Variants in ZFP28 observed in about 807,000 individuals in gnomAD.
ZFP28 encodes the protein zinc finger protein 28 homolog.
In ZFP28, 31 loss-of-function variants were observed where a neutral mutation model predicts 39.5. The observed-to-expected ratio is 0.79, with a 90% confidence interval of 0.59 to 1.06. The LOEUF (loss-of-function observed/expected upper bound fraction) is 1.06, where lower values mean the gene tolerates loss of function less well. Ranked by LOEUF, ZFP28 falls within the 50% of genes least tolerant of loss-of-function variation. The pLI is 0.00. For synonymous variants in ZFP28, 400 were observed against 378.6 expected (o/e 1.06, Z -0.66); for missense variants, 925 against 1,048.4 (o/e 0.88, Z 1.63).
chr19:56,545,368 C>T (rs562653410), intron 2 of ZFP28, among the ~76,000 whole-genome samples: 3 of 152,274 alleles, frequency 2.0e-5, no homozygotes, highest in African/African-American at 7.2e-5. Flanking sequence ...TTACAAATGT[C>T]CTTAAAGTTT....
chr19:56,550,369 ATCT>A (rs2044287746), intron 6 of ZFP28, 138 bp from the exon 7 acceptor site: 5 of 884,822 alleles, frequency 5.7e-6, no homozygotes, highest in Non-Finnish European at 8.6e-6. Flanking sequence ...TTGAAGCGTT[ATCT>A]TCTTGTGTCT....
chr19:56,549,221 T>A, intron 5 of ZFP28, 100 bp downstream of exon 5: 1 of 1,354,362 alleles, frequency 7.4e-7, no homozygotes, highest in Non-Finnish European at 1.0e-6. Flanking sequence ...AAGAGAAGTT[T>A]TCATTTGAAT....
At position 56,555,945 on chromosome 19, in the gene ZFP28, A is replaced by G. The variant is rs1457950860; in HGVS notation, c.*553A>G. Reference sequence around the variant, plus strand: ...GGGACAAATGAATTTAAAAAATCAGAAAAATGCAAGATTTATATGCATGAA... The same window carrying G: ...GGGACAAATGAATTTAAAAAATCAGGAAAATGCAAGATTTATATGCATGAA... On this transcript the variant is annotated 3_prime_UTR_variant, in exon 8 of 8. Transcript: ENST00000301318. The G allele has an allele frequency of 6.6e-6, 1 of 152,314 alleles. No homozygotes were observed. Among genetic ancestry groups the G allele is most frequent in the Non-Finnish European group, 1.5e-5 (1 of 68,088 alleles). The allele number at this position is 152,314 out of a possible 1,614,324, so 9.4% of individuals were successfully genotyped here.
intron 2 of ZFP28, chr19:56,544,845 G>C (rs2044226010): frequency 6.6e-6 from 1 of 152,192 alleles, no homozygotes; most frequent in Non-Finnish European, 1.5e-5. Flanking sequence ...TATACATAAA[G>C]AGCTGTCCGA....
At position 56,554,556 on chromosome 19, in the gene ZFP28, T is replaced by C; in HGVS notation, c.1771T>C (p.Cys591Arg). Residue 591 changes from cysteine (C) to arginine (R), a missense_variant, in exon 8 of 8, where the codon TGT becomes CGT. Physicochemically the swap from Cys to Arg is radical, Grantham distance 180. Around this residue, in one of 2 missense-constraint regions of ZFP28, gnomAD observed 369 missense variants for 505.5 expected, o/e 0.73. Coordinates refer to ENST00000301318, the MANE Select transcript of ZFP28 (RefSeq NM_020828.2). This position sits in a 1 kb window ranked among gnomAD's most constrained non-coding sequence, Gnocchi z 6.7. ...ACATTCTGGAGAAAAGCCTTTTAAGTGTAAAGAGTGCGGAAAAGCTTTTAG... is the reference window on the plus strand; with the variant it reads ...ACATTCTGGAGAAAAGCCTTTTAAGCGTAAAGAGTGCGGAAAAGCTTTTAG... ...RVHSGEKPFKCKECGKAFRQN... is the reference protein window; with the variant it reads ...RVHSGEKPFKRKECGKAFRQN... The C allele has an allele frequency of 6.2e-7, 1 of 1,614,076 alleles. No homozygotes were observed. Among genetic ancestry groups the C allele is most frequent in the South Asian group, 1.1e-5 (1 of 91,080 alleles).
intron 2 of ZFP28, chr19:56,545,955 G>A (rs796891420): frequency 6.6e-6 from 1 of 152,288 alleles, no homozygotes; most frequent in African/African-American, 2.4e-5. Flanking sequence ...TAGGTCAAGG[G>A]TGACAAGCAG....
rs149325607 is a variant in ZFP28, at chr19:56,553,955, G to C, written c.1170G>C (p.Glu390Asp). ...GGTTCTATTTGGACGATTCAGAAGA[G>C]AAAGTTCATAATCGTGATTCAATTA... ...GRWFYLDDSE[E>D]KVHNRDSIKN... Residue 390 changes from glutamate to aspartate, a missense_variant, in exon 8 of 8, where the codon GAG (glutamate) becomes GAC (aspartate). By Grantham distance (45) the Glu-to-Asp change is conservative. Transcript: ENST00000301318. 2.5e-6 allele frequency: 4 copies of C among 1,612,954 alleles called. No homozygotes were observed. In the African/African-American group the frequency reaches 5.3e-5, roughly 22 times the overall value.
At position 56,549,079 on chromosome 19, in the gene ZFP28, A is replaced by C. The variant is rs1418456132; in HGVS notation, c.645A>C (p.Leu215Phe). The C allele has an allele frequency of 1.2e-6, 2 of 1,613,424 alleles. No homozygotes were observed. The highest frequency in any genetic ancestry group is 2.7e-5 in the African/African-American group (2 of 74,910). ...LTSYNLEYSL[L>F]GEHWDYDALF... ...GCTATAATCTGGAGTACTCTCTGTTAGGGGAACACTGGGATTATGATGCTC... is the reference window on the plus strand; with the variant it reads ...GCTATAATCTGGAGTACTCTCTGTTCGGGGAACACTGGGATTATGATGCTC... Residue 215 changes from leucine (L) to phenylalanine (F), a missense_variant, in exon 5 of 8, where the codon TTA (leucine) becomes TTC (phenylalanine). Around this residue, in one of 2 missense-constraint regions of ZFP28, gnomAD observed 556 missense variants for 542.9 expected, o/e 1.02. Transcript: ENST00000301318.
rs186385552 is a variant in ZFP28, at chr19:56,551,771, T to C, written c.898+1166T>C. 343 of 984,584 alleles carry C rather than the reference T, an allele frequency of 3.5e-4. 1 individual carries two copies. The African/African-American group carries it at 4.1e-3, about 12-fold the overall frequency. 61.0% of individuals were successfully genotyped at this position (984,584 alleles called of 1,614,324 possible). A position where few individuals can be genotyped will look rare whatever the true frequency, so the allele number is the denominator to read the frequency against. The stretch of plus-strand genomic sequence containing the variant: ...AAGAAGTTGAACATTTTTTCGTAAA[T>C]TTGGTTTTTCTCTTATCTTCTTGTA... On this transcript the variant is annotated intron_variant, in intron 7 of 7. Coordinates refer to ENST00000301318, the MANE Select transcript of ZFP28 (RefSeq NM_020828.2).
rs202181134 is a variant in ZFP28 at position 56,555,302 on chromosome 19, G to A, written c.2517G>A (p.Ser839=). Residue 839 remains serine (S), a synonymous_variant, in exon 8 of 8, where the codon TCG becomes TCA. Transcript: ENST00000301318. ...ATCAGCGAATTCATACTGGAGAGTC[G>A]TCAACATGCCCCTCTTTACCTTCCA... The part of the protein sequence containing the change: ...AHHQRIHTGE[S]STCPSLPSTS... 2.0e-5 allele frequency: 32 copies of A among 1,614,070 alleles called. No homozygotes were observed. The highest frequency in any genetic ancestry group is 8.0e-5 in the African/African-American group (6 of 75,010).
At chr19:56,538,759 C>CT (rs1228062116), upstream of ZFP28, among the ~76,000 whole-genome samples, 2 of 124,020 alleles carry the variant, frequency 1.6e-5, no homozygotes, top group Non-Finnish European at 3.3e-5. Context: ...CCGGGCTTCT[C>CT]TAGGCTGAGG....
At chr19:56,543,411 G>T (rs947604298) in intron 2 of ZFP28, among the ~76,000 whole-genome samples, 1 of 149,158 alleles carries the variant, frequency 6.7e-6, no homozygotes, top group African/African-American at 2.5e-5. Context: ...ATTTTTTTAA[G>T]AGATGGGAGT....
rs949398888 is a variant in ZFP28, at chr19:56,547,227, C to T, written c.301-281C>T. 12 of 369,642 alleles carry T rather than the reference C, an allele frequency of 3.2e-5. No homozygotes were observed. The highest frequency in any genetic ancestry group is 2.5e-4 in the African/African-American group (12 of 47,210). 22.9% of individuals were successfully genotyped at this position (369,642 alleles called of 1,614,324 possible). ...CAGACGGCCGTCTTCTCTCTGTGTC[C>T]TCACGTGGTCTTTTCCCTGTGCCTG... On this transcript the variant is annotated intron_variant, in intron 2 of 7. Coordinates refer to ENST00000301318, the MANE Select transcript of ZFP28 (RefSeq NM_020828.2). This position sits in a 1 kb window ranked among gnomAD's most constrained non-coding sequence, Gnocchi z 4.6.
chr19:56,550,062 T>C lies in ZFP28; in HGVS notation c.688-5T>C. The C allele has an allele frequency of 6.2e-7, 1 of 1,607,258 alleles. No individual in the cohort carries two copies. The highest frequency in any genetic ancestry group is 8.5e-7 in the Non-Finnish European group (1 of 1,176,758). ...GATTTAAAAAACGTGCTTTTACCATTGCAGGGCTTGGTGACTATCAAAAAC... is the reference window on the plus strand; with the variant it reads ...GATTTAAAAAACGTGCTTTTACCATCGCAGGGCTTGGTGACTATCAAAAAC... On this transcript the variant is annotated splice_polypyrimidine_tract_variant and splice_region_variant and intron_variant, in intron 5 of 7. Transcript: ENST00000301318.
intron 2 of ZFP28, among the ~76,000 whole-genome samples, chr19:56,542,763 TA>T (rs1406043705): frequency 7.1e-6 from 1 of 141,588 alleles, no homozygotes; most frequent in African/African-American, 2.6e-5. Context: ...CTGATTTTTT[TA>T]TTTTGTTTTT....
Position 56,555,115 on chromosome 19 carries a change from G to T in ZFP28, c.2330G>T (p.Arg777Ile). ...CGTCAATCCCTTAGTGTACATCAGA[G>T]AATCCATTCTGGAAAGAAACCATAT... is the stretch of plus-strand genomic sequence containing the variant. Reference protein sequence around the residue: ...SHRQSLSVHQRIHSGKKPYEC... With the variant: ...SHRQSLSVHQIIHSGKKPYEC... The change falls in exon 8 of 8, where the codon AGA becomes ATA. Residue 777 changes from arginine to isoleucine, a missense_variant. Physicochemically the swap from Arg to Ile is moderately conservative, Grantham distance 97 (BLOSUM62 -3). Transcript: ENST00000301318. The T allele has an allele frequency of 1.2e-6, 2 of 1,614,170 alleles. No homozygotes were observed. Among genetic ancestry groups the T allele is most frequent in the Non-Finnish European group, 1.7e-6 (2 of 1,180,024 alleles).
In ZFP28 at chr19:56,547,559, G is replaced by A; in HGVS notation, c.352G>A (p.Glu118Lys). The A allele has an allele frequency of 6.2e-7, 1 of 1,614,142 alleles. No homozygotes were observed. Among genetic ancestry groups the A allele is most frequent in the Non-Finnish European group, 8.5e-7 (1 of 1,180,008 alleles). Residue 118 changes from glutamate to lysine, a missense_variant, in exon 3 of 8, where the codon GAG (glutamate) becomes AAG (lysine). Transcript: ENST00000301318. This position sits in a 1 kb window ranked among gnomAD's most constrained non-coding sequence, Gnocchi z 4.6. ...TGTAGATTTCTCCCAAGAGGAGTGG[G>A]AGTGGCTGAACCCCATTCAGAGGAA... ...VAVDFSQEEW[E>K]WLNPIQRNLY... is the part of the protein sequence containing the mutation.
chr19:56,551,441 C>T (rs1269584057), intron 7 of ZFP28: 6 of 985,294 alleles, frequency 6.1e-6, no homozygotes, highest in African/African-American at 3.5e-5. Context: ...TACGCATACA[C>T]GTTTTTCATG....
Position 56,555,154 on chromosome 19 carries a change from G to A in ZFP28, c.2369G>A (p.Cys790Tyr). The A allele has an allele frequency of 6.2e-7, 1 of 1,614,176 alleles. No homozygotes were observed. The highest frequency in any genetic ancestry group is 8.5e-7 in the Non-Finnish European group (1 of 1,180,030). ...AAGAAACCATATGAATGTAAGGAATGTAGGAAAACCTTCATCCAAATTGGA... is the reference window on the plus strand; with the variant it reads ...AAGAAACCATATGAATGTAAGGAATATAGGAAAACCTTCATCCAAATTGGA... ...SGKKPYECKE[C>Y]RKTFIQIGHL... is the part of the protein sequence containing the mutation. Residue 790 changes from cysteine to tyrosine, a missense_variant, in exon 8 of 8, where the codon TGT becomes TAT. This residue lies in a region of ZFP28 where 369 missense variants were observed against 505.5 expected (regional missense o/e 0.73). Transcript: ENST00000301318.
Sources: gnomAD v4.1 joint callset for allele counts (sites outside exome capture counted in the v4.1 genomes callset) on GRCh38, gnomAD v4.1.1 for gene constraint, gnomAD v4.1.1 regional missense constraint, Gnocchi (gnomAD v3.1) non-coding constraint, MANE v1.5 for transcripts, NCBI Gene and HGNC (gene_info 2026-07-23, HGNC 2026-07-21) for gene names.